Variants in CDYL2 observed in about 807,000 individuals in gnomAD.
The protein encoded by CDYL2 is chromodomain Y like 2.
In CDYL2, 23 loss-of-function variants were observed where a neutral mutation model predicts 49.4. The observed-to-expected ratio is 0.47, with a 90% CI of 0.34 to 0.66. CDYL2 has a LOEUF of 0.66. CDYL2 is among the 30% of genes least tolerant of loss of function. CDYL2 has a pLI of 0.01. For synonymous variants in CDYL2, 360 were observed against 268.8 expected (o/e 1.34, Z -3.32); for missense variants, 678 against 656.4 (o/e 1.03, Z -0.36).
At chr16:80,676,346 C>T (rs1909742122) in intron 2 of CDYL2, among the ~76,000 whole-genome samples, 1 of 152,136 alleles carries the variant, frequency 6.6e-6, no homozygotes, top group African/African-American at 2.4e-5. Flanking sequence ...GGGGTGGGTA[C>T]TTGAAGTGGG....
intron 1 of CDYL2, among the ~76,000 whole-genome samples, chr16:80,754,803 T>C (rs1200614806): frequency 1.3e-5 from 2 of 152,178 alleles, no homozygotes; most frequent in Admixed American, 6.5e-5. Flanking sequence ...TTGGCTCTCT[T>C]TCTTTCTAAA....
At chr16:80,776,962 C>G (rs542097924) in intron 1 of CDYL2, among the ~76,000 whole-genome samples, 1 of 151,822 alleles carries the variant, frequency 6.6e-6, no homozygotes, top group Non-Finnish European at 1.5e-5. Context: ...GGACTACAGG[C>G]GCACGCTGCC....
rs1464649825 is a variant in CDYL2 at position 80,712,187 on chromosome 16, G to GTATA, written c.25-27059_25-27058insTATA. Among the ~76,000 whole-genome samples the GTATA allele has an allele frequency of 6.0e-4, 23 of 38,096 alleles. 2 individuals are homozygous for GTATA. The South Asian group carries it at 9.4e-3, about 16-fold the overall frequency. The allele number at this position is 38,096 out of a possible 152,430, so 25.0% of individuals were successfully genotyped here. ...TATATATATGTGTCTTTGTGTCTGTGTGTGTATATATATATATATATATAT... is the reference window on the plus strand; with the variant it reads ...TATATATATGTGTCTTTGTGTCTGTGTATATGTGTATATATATATATATATATAT... On this transcript the variant is annotated intron_variant, in intron 1 of 6. Transcript: ENST00000570137.
chr16:80,756,050 T>A lies in CDYL2; in HGVS notation c.24+48100A>T, dbSNP rs1906299643. ...ATAATGATAATAACACACATAATAA[T>A]TCATAATAGTGATATGGCCAAAACT... On this transcript the variant is annotated intron_variant, in intron 1 of 6. Coordinates refer to ENST00000570137, the MANE Select transcript of CDYL2 (RefSeq NM_152342.4). 2.0e-5 allele frequency among the ~76,000 whole-genome samples: 3 copies of A among 152,230 alleles called. No individual in the cohort carries two copies. The South Asian group carries it at 6.2e-4, about 32-fold the overall frequency.
intron 2 of CDYL2, among the ~76,000 whole-genome samples, chr16:80,671,141 C>T (rs1909486526): frequency 6.6e-6 from 1 of 152,130 alleles, no homozygotes; most frequent in South Asian, 2.1e-4. Flanking sequence ...CCCTGGGCTC[C>T]TTATTAATAG....
At chr16:80,628,636 C>A (rs7201422) in intron 3 of CDYL2, among the ~76,000 whole-genome samples, 7,953 of 151,984 alleles carry the variant, frequency 0.052, 667 homozygotes, top group African/African-American at 0.18. Context: ...TAAACGTGTG[C>A]TGTTTTAAAA....
At position 80,608,254 on chromosome 16, in the gene CDYL2, G is replaced by A. The variant is rs1457005974; in HGVS notation, c.1219-19C>T. ...CATTGGCCTGAAAAAGCAAAAGCAG[G>A]CAAAGACTGAGGGCCTGGAGGTCCA... On this transcript the variant is annotated intron_variant, in intron 5 of 6. Coordinates refer to ENST00000570137, the MANE Select transcript of CDYL2 (RefSeq NM_152342.4). 6.5e-7 allele frequency: 1 copy of A among 1,548,374 alleles called. No homozygotes were observed. The highest frequency in any genetic ancestry group is 8.7e-7 in the Non-Finnish European group (1 of 1,144,462).
At chr16:80,608,268 C>A in intron 5 of CDYL2, 33 bp from the exon 6 acceptor site, 1 of 1,530,086 alleles carries the variant, frequency 6.5e-7, no homozygotes, top group Non-Finnish European at 8.8e-7. Context: ...AGACTGAGGG[C>A]CTGGAGGTCC....
intron 1 of CDYL2, among the ~76,000 whole-genome samples, chr16:80,685,783 A>G (rs1160243693): frequency 6.6e-6 from 1 of 152,214 alleles, no homozygotes; most frequent in East Asian, 1.9e-4. Context: ...CAAGTTCCAG[A>G]ATGGTAAGGG....
At chr16:80,667,107 G>A (rs1176712390) in intron 2 of CDYL2, among the ~76,000 whole-genome samples, 1 of 152,182 alleles carries the variant, frequency 6.6e-6, no homozygotes, top group Non-Finnish European at 1.5e-5. Context: ...TTTCCATGGG[G>A]GAATTGCTGC....
At chr16:80,610,599 T>G (rs927548840) in intron 5 of CDYL2, among the ~76,000 whole-genome samples, 2 of 151,972 alleles carry the variant, frequency 1.3e-5, no homozygotes, top group Non-Finnish European at 1.5e-5. Flanking sequence ...AAAAAACCCA[T>G]GCTAGAGCTA....
At chr16:80,615,974 G>A (rs951986658) in intron 4 of CDYL2, among the ~76,000 whole-genome samples, 31 of 152,288 alleles carry the variant, frequency 2.0e-4, no homozygotes, top group South Asian at 8.3e-4. Flanking sequence ...CTGCGATGGC[G>A]GGGCTGCGTG....
Position 80,631,880 on chromosome 16 carries a change from C to G in CDYL2, c.834+1139G>C, listed in dbSNP as rs114072290. 3.0e-3 allele frequency among the ~76,000 whole-genome samples: 456 copies of G among 152,254 alleles called. 6 individuals are homozygous for G. The highest frequency in any genetic ancestry group is 0.011 in the African/African-American group (437 of 41,542). On this transcript the variant is annotated intron_variant, in intron 3 of 6. Coordinates refer to ENST00000570137, the MANE Select transcript of CDYL2 (RefSeq NM_152342.4). ...ACTAGTATTGCTATAATAAAAAAGA[C>G]AGACGTAACAAGTGTTATCGAGGAT... is the stretch of plus-strand genomic sequence containing the variant.
Position 80,600,575 on chromosome 16 carries a change from C to A in CDYL2, c.*3813G>T, listed in dbSNP as rs1436874068. The A allele has an allele frequency of 6.6e-6, 1 of 152,070 alleles. No homozygotes were observed. Among genetic ancestry groups the A allele is most frequent in the Non-Finnish European group, 1.5e-5 (1 of 67,994 alleles). 9.4% of individuals were successfully genotyped at this position (152,070 alleles called of 1,614,324 possible). ...ATACTTAAGAAATCTCATTTAGAGT[C>A]TTAAATACTGTGTATATTAGTGAGA... On this transcript the variant is annotated 3_prime_UTR_variant, in exon 7 of 7. Transcript: ENST00000570137.
intron 1 of CDYL2, among the ~76,000 whole-genome samples, chr16:80,716,548 A>G (rs1229539843): frequency 1.3e-5 from 2 of 151,938 alleles, no homozygotes; most frequent in African/African-American, 4.8e-5. Context: ...AGATGACTAA[A>G]TGGATGATAA....
chr16:80,612,627 A>G lies in CDYL2; in HGVS notation c.1217T>C (p.Leu406Pro), dbSNP rs770991488. 9 of 1,603,254 alleles carry G rather than the reference A, an allele frequency of 5.6e-6. No individual in the cohort carries two copies. Among genetic ancestry groups the G allele is most frequent in the Non-Finnish European group, 6.8e-6 (8 of 1,174,684 alleles). Residue 406 changes from leucine to proline, a missense_variant and splice_region_variant, in exon 5 of 7, where the codon CTG becomes CCG. Leu to Pro is a moderately conservative substitution (Grantham distance 98, BLOSUM62 -3). Transcript: ENST00000570137. This position sits in a 1 kb window ranked among gnomAD's most constrained non-coding sequence, Gnocchi z 5.0. ...YTFPQILGVA[L>P]ANEMLFCGRK... Reference sequence around the variant, plus strand: ...ATCCAGGTATCACAGGAGGCTTACCAGCGCGACGCCCAGGATCTGGGGGAA... The same window carrying G: ...ATCCAGGTATCACAGGAGGCTTACCGGCGCGACGCCCAGGATCTGGGGGAA...
intron 1 of CDYL2, among the ~76,000 whole-genome samples, chr16:80,723,078 C>T (rs992239971): frequency 2.0e-5 from 3 of 152,220 alleles, no homozygotes; most frequent in African/African-American, 7.2e-5. Context: ...TTTCTACAGT[C>T]CCTGTGGACT....
chr16:80,606,888 G>A (rs1906361642), intron 6 of CDYL2, among the ~76,000 whole-genome samples: 1 of 152,098 alleles, frequency 6.6e-6, no homozygotes. Flanking sequence ...ACATGCCTTT[G>A]GCCTTCCGCC....
chr16:80,787,669 T>A (rs1257361018), intron 1 of CDYL2, among the ~76,000 whole-genome samples: 2 of 152,186 alleles, frequency 1.3e-5, no homozygotes, highest in Non-Finnish European at 2.9e-5. Context: ...TCTATTCCCG[T>A]TGAGTTCCTC....
Sources: allele counts gnomAD v4.1 joint callset (sites outside exome capture counted in the v4.1 genomes callset), GRCh38; gene constraint gnomAD v4.1.1; non-coding constraint Gnocchi (gnomAD v3.1); transcripts MANE v1.5; gene names NCBI Gene and HGNC (gene_info 2026-07-23, HGNC 2026-07-21).